HPSE2: variants seen among roughly 807,000 people sequenced by gnomAD.
HPSE2 encodes the protein heparanase 2 (inactive), also known as inactive heparanase-2.
A neutral mutation model predicts 60.5 loss-of-function variants in HPSE2; 38 were observed. The ratio of observed to expected loss-of-function variants is 0.63; its 90% CI spans 0.48 to 0.82. HPSE2 has a LOEUF of 0.82. Among genes scored for constraint, HPSE2 ranks in the 40% least tolerant of loss-of-function variants. The probability of loss-of-function intolerance (pLI) is 0.00; values close to 1 mark genes in which losing one functional copy is unlikely to be tolerated. For synonymous variants in HPSE2, 295 were observed against 293.2 expected (o/e 1.01, Z -0.06); for missense variants, 713 against 740.4 (o/e 0.96, Z 0.43).
At chr10:99,271,104 C>G in the HPSE2 span, among the ~76,000 whole-genome samples, 1 of 152,156 alleles carries the variant, frequency 6.6e-6, no homozygotes, top group African/African-American at 2.4e-5. Context: ...CTCACCACTT[C>G]TATTCAACAT....
intron 3 of HPSE2, among the ~76,000 whole-genome samples, chr10:98,942,724 T>G (rs552652468): frequency 5.2e-4 from 79 of 152,260 alleles, no homozygotes; most frequent in Admixed American, 1.5e-3. Context: ...AGCCATCTCA[T>G]TATTGGGTAT....
At chr10:98,781,703 T>C (rs949431358) in intron 3 of HPSE2, among the ~76,000 whole-genome samples, 1 of 151,758 alleles carries the variant, frequency 6.6e-6, no homozygotes, top group Non-Finnish European at 1.5e-5. Flanking sequence ...CCAATATTAA[T>C]GAGGAAGAGA....
intron 3 of HPSE2, among the ~76,000 whole-genome samples, chr10:99,108,605 A>AT (rs1844338585): frequency 2.6e-5 from 4 of 152,212 alleles, no homozygotes; most frequent in African/African-American, 9.6e-5. Flanking sequence ...TCATTACTCT[A>AT]TAACGAGACC....
chr10:99,111,123 T>C (rs953136492), intron 3 of HPSE2, among the ~76,000 whole-genome samples: 1 of 152,214 alleles, frequency 6.6e-6, no homozygotes, highest in African/African-American at 2.4e-5. Flanking sequence ...CAGTTTACTA[T>C]ATATATGGGG....
intron 9 of HPSE2, among the ~76,000 whole-genome samples, chr10:98,575,839 A>C (rs1341864357): frequency 2.0e-5 from 3 of 152,146 alleles, no homozygotes; most frequent in Non-Finnish European, 2.9e-5. Context: ...CAGACTACTA[A>C]ACTTTTTCTT....
At chr10:98,951,511 C>G (rs1955356047) in intron 3 of HPSE2, among the ~76,000 whole-genome samples, 1 of 152,040 alleles carries the variant, frequency 6.6e-6, no homozygotes, top group Non-Finnish European at 1.5e-5. Context: ...AATATTTGGC[C>G]ACATTGTGCA....
At chr10:98,875,604 G>T (rs908116220) in intron 3 of HPSE2, among the ~76,000 whole-genome samples, 1 of 151,340 alleles carries the variant, frequency 6.6e-6, no homozygotes, top group African/African-American at 2.4e-5. Flanking sequence ...GAGGTACAAA[G>T]AATAACTGGT....
chr10:98,900,444 C>T (rs1937231), intron 3 of HPSE2, among the ~76,000 whole-genome samples: 92,505 of 151,922 alleles, frequency 0.61, 30,242 homozygotes, highest in South Asian at 0.79. Flanking sequence ...TGGTAAGAGG[C>T]GTGAGAAAAC....
chr10:98,841,336 C>A (rs1204300561), intron 3 of HPSE2, among the ~76,000 whole-genome samples: 2 of 152,224 alleles, frequency 1.3e-5, no homozygotes, highest in Non-Finnish European at 2.9e-5. Flanking sequence ...CACTCCACCT[C>A]TCTGATAGTT....
At chr10:98,833,595 G>A (rs140966235) in intron 3 of HPSE2, among the ~76,000 whole-genome samples, 5 of 152,186 alleles carry the variant, frequency 3.3e-5, no homozygotes, top group Middle Eastern at 3.4e-3. Context: ...AGTATGTCTT[G>A]TTATTATCTT....
chr10:99,307,867 C>CACACACAA, the HPSE2 span, among the ~76,000 whole-genome samples: 1 of 151,414 alleles, frequency 6.6e-6, no homozygotes, highest in African/African-American at 2.4e-5. Context: ...CACACACACA[C>CACACACAA]AAATGGCTAC....
chr10:98,979,141 G>A (rs1310432819), intron 3 of HPSE2, among the ~76,000 whole-genome samples: 1 of 152,190 alleles, frequency 6.6e-6, no homozygotes, highest in Non-Finnish European at 1.5e-5. Flanking sequence ...AGGCCTGATG[G>A]AGAAAATATG....
chr10:99,091,495 A>G (rs1227338967), intron 3 of HPSE2, among the ~76,000 whole-genome samples: 1 of 152,144 alleles, frequency 6.6e-6, no homozygotes, highest in Non-Finnish European at 1.5e-5. Flanking sequence ...AGTTTTTTTA[A>G]AAGCCCAGCC....
At chr10:99,300,502 T>C in the HPSE2 span, among the ~76,000 whole-genome samples, 8 of 152,176 alleles carry the variant, frequency 5.3e-5, no homozygotes, top group Non-Finnish European at 1.2e-4. Flanking sequence ...AATTAGGAGA[T>C]TCACTCACCC....
intron 2 of HPSE2, among the ~76,000 whole-genome samples, chr10:99,197,732 C>T (rs891684519): frequency 6.6e-6 from 1 of 152,010 alleles, no homozygotes. Context: ...CTCAGTAACA[C>T]CCGAGCATAA....
chr10:99,163,008 G>A (rs1025469586), intron 2 of HPSE2, among the ~76,000 whole-genome samples: 2 of 152,112 alleles, frequency 1.3e-5, no homozygotes, highest in African/African-American at 4.8e-5. Context: ...AGGAGATTGA[G>A]ATCATCCTGG....
At chr10:98,999,024 G>C (rs1052308179) in intron 3 of HPSE2, among the ~76,000 whole-genome samples, 1 of 152,146 alleles carries the variant, frequency 6.6e-6, no homozygotes, top group Non-Finnish European at 1.5e-5. Flanking sequence ...GTATGTAAGA[G>C]GAGAGGGGTT....
At chr10:99,312,279 T>TGG in the HPSE2 span, among the ~76,000 whole-genome samples, 3 of 152,208 alleles carry the variant, frequency 2.0e-5, no homozygotes, top group Non-Finnish European at 4.4e-5. Context: ...TGGAACCAGA[T>TGG]GTCACCTAGG....
intron 9 of HPSE2, among the ~76,000 whole-genome samples, chr10:98,574,952 T>C (rs1944601492): frequency 6.6e-6 from 1 of 152,168 alleles, no homozygotes. Context: ...GGAGTGGATC[T>C]TGAAACAAAA....
Sources: allele counts gnomAD v4.1 joint callset (sites outside exome capture counted in the v4.1 genomes callset), GRCh38; gene constraint gnomAD v4.1.1; transcripts MANE v1.5; gene names NCBI Gene and HGNC (gene_info 2026-07-23, HGNC 2026-07-21).